ADAMTSL1: variants seen among roughly 807,000 people sequenced by gnomAD.
ADAMTSL1 encodes ADAMTS-like protein 1.
A neutral mutation model predicts 201.8 loss-of-function variants in ADAMTSL1; 126 were observed. The ratio of observed to expected loss-of-function variants is 0.62; its 90% CI spans 0.54 to 0.72. The LOEUF (loss-of-function observed/expected upper bound fraction) is 0.72, where lower values mean the gene tolerates loss of function less well. Among genes scored for constraint, ADAMTSL1 ranks in the 30% least tolerant of loss-of-function variants. The pLI, the probability that ADAMTSL1 is intolerant of heterozygous loss-of-function variation, is 0.00. For synonymous variants in ADAMTSL1, 1,121 were observed against 903.4 expected (o/e 1.24, Z -4.32); for missense variants, 2,679 against 2,277.8 (o/e 1.18, Z -3.59).
intron 2 of ADAMTSL1, among the ~76,000 whole-genome samples, chr9:18,171,481 T>C (rs1413824853): frequency 6.6e-6 from 1 of 152,040 alleles, no homozygotes; most frequent in East Asian, 1.9e-4. Flanking sequence ...ATAAACAAGG[T>C]AAAAGGACAA....
chr9:18,120,102 GCT>G (rs1449014900), intron 1 of ADAMTSL1, among the ~76,000 whole-genome samples: 2 of 152,146 alleles, frequency 1.3e-5, no homozygotes, highest in African/African-American at 2.4e-5. Flanking sequence ...TCTGGATCAG[GCT>G]CTCTCTAGGG....
intron 2 of ADAMTSL1, among the ~76,000 whole-genome samples, chr9:18,507,403 AG>A (rs1290148596): frequency 5.3e-5 from 8 of 152,230 alleles, no homozygotes; most frequent in Non-Finnish European, 1.2e-4. Context: ...GACAATTTAA[AG>A]ATCTACAGTG....
intron 2 of ADAMTSL1, among the ~76,000 whole-genome samples, chr9:18,529,645 C>G (rs1819312494): frequency 6.6e-6 from 1 of 152,138 alleles, no homozygotes; most frequent in Non-Finnish European, 1.5e-5. Context: ...GTTAGTGTTT[C>G]TATTATAATC....
At chr9:18,538,302 TC>T (rs1187447800) in intron 3 of ADAMTSL1, among the ~76,000 whole-genome samples, 1 of 152,098 alleles carries the variant, frequency 6.6e-6, no homozygotes, top group Non-Finnish European at 1.5e-5. Flanking sequence ...ACTCTTGTGA[TC>T]TCCAGCATTG....
In ADAMTSL1 at chr9:18,776,658, C is replaced by A. The variant is rs368220680; in HGVS notation, c.2552-123C>A. 8 of 1,160,120 alleles carry A rather than the reference C, an allele frequency of 6.9e-6. No individual in the cohort carries two copies. In the African/African-American group the frequency reaches 1.1e-4, roughly 16 times the overall value. The allele number at this position is 1,160,120 out of a possible 1,614,324, so 71.9% of individuals were successfully genotyped here. ...TTTCTCTCCCGTCCTCCGGCACCTT[C>A]GTCTCTCCTTCTCTTCTCCACTCTG... On this transcript the variant is annotated intron_variant, in intron 18 of 28. Transcript: ENST00000380548.
intron 1 of ADAMTSL1, among the ~76,000 whole-genome samples, chr9:18,071,981 G>C (rs976473966): frequency 6.6e-6 from 1 of 152,124 alleles, no homozygotes; most frequent in Non-Finnish European, 1.5e-5. Context: ...CAAGCTTAAT[G>C]GTTCCAAGCT....
intron 3 of ADAMTSL1, among the ~76,000 whole-genome samples, chr9:18,546,796 C>G (rs1054796648): frequency 1.3e-5 from 2 of 152,112 alleles, no homozygotes; most frequent in African/African-American, 4.8e-5. Flanking sequence ...TGAAGACAAG[C>G]AGCCAGATTT....
intron 2 of ADAMTSL1, among the ~76,000 whole-genome samples, chr9:18,395,200 A>C (rs546790624): frequency 6.6e-6 from 1 of 152,212 alleles, no homozygotes; most frequent in South Asian, 2.1e-4. Context: ...AAGCAACAGT[A>C]AGATCTGTAA....
chr9:18,685,236 T>C (rs1306726703), intron 13 of ADAMTSL1, among the ~76,000 whole-genome samples: 1 of 152,248 alleles, frequency 6.6e-6, no homozygotes, highest in Non-Finnish European at 1.5e-5. Context: ...TCATTAACTT[T>C]TCTTTTCCCT....
At chr9:18,816,919 C>T (rs1823892079) in intron 20 of ADAMTSL1, among the ~76,000 whole-genome samples, 190 bp from the exon 21 acceptor site, 2 of 152,080 alleles carry the variant, frequency 1.3e-5, no homozygotes, top group Non-Finnish European at 2.9e-5. Flanking sequence ...CTTTTACTGA[C>T]AACACTGCGG....
intron 1 of ADAMTSL1, among the ~76,000 whole-genome samples, chr9:18,014,786 G>A (rs749619840): frequency 5.9e-5 from 9 of 152,048 alleles, no homozygotes; most frequent in Non-Finnish European, 1.2e-4. Flanking sequence ...AGTGGTGTCA[G>A]CTGGTGTATC....
rs146641484 is a variant in ADAMTSL1, at chr9:18,560,519, C to A, written c.238-13511C>A. Among the ~76,000 whole-genome samples, 4 of 152,182 alleles carry A rather than the reference C, an allele frequency of 2.6e-5. No individual in the cohort carries two copies. In the East Asian group the frequency reaches 7.7e-4, roughly 29 times the overall value. Reference sequence around the variant, plus strand: ...GGCTTTGGTATCAGGATGATGCAGGCCTCATAAAATGAGTTAGGGAGGAGT... The same window carrying A: ...GGCTTTGGTATCAGGATGATGCAGGACTCATAAAATGAGTTAGGGAGGAGT... On this transcript the variant is annotated intron_variant, in intron 3 of 28. Transcript: ENST00000380548.
At chr9:17,954,990 A>G (rs543304269) in intron 1 of ADAMTSL1, among the ~76,000 whole-genome samples, 49 of 152,292 alleles carry the variant, frequency 3.2e-4, no homozygotes, top group African/African-American at 1.2e-3. Flanking sequence ...AGCTTGCAAG[A>G]TAGGAGTTAA....
chr9:17,975,194 A>C (rs1305279446), intron 1 of ADAMTSL1, among the ~76,000 whole-genome samples: 3 of 151,530 alleles, frequency 2.0e-5, no homozygotes, highest in Non-Finnish European at 4.4e-5. Context: ...GTTCTTTGGC[A>C]TTTTTTAATT....
At chr9:17,907,440 G>C (rs1825759516) in intron 1 of ADAMTSL1, among the ~76,000 whole-genome samples, 1 of 152,194 alleles carries the variant, frequency 6.6e-6, no homozygotes, top group Non-Finnish European at 1.5e-5. Context: ...GGGGCGCAGC[G>C]TTGTAATGTG....
intron 2 of ADAMTSL1, among the ~76,000 whole-genome samples, chr9:18,314,955 CCCGG>C (rs1300205976): frequency 1.7e-4 from 26 of 150,882 alleles, no homozygotes; most frequent in Non-Finnish European, 3.1e-4. Context: ...CGCTACCACG[CCCGG>C]CTAATTTTTT....
intron 3 of ADAMTSL1, among the ~76,000 whole-genome samples, chr9:18,542,845 CT>C (rs1389942817): frequency 1.3e-5 from 2 of 152,176 alleles, no homozygotes; most frequent in African/African-American, 4.8e-5. Context: ...AATTAGATCA[CT>C]TTGAAATTCC....
At chr9:17,943,257 A>T (rs1827316550) in intron 1 of ADAMTSL1, among the ~76,000 whole-genome samples, 1 of 152,098 alleles carries the variant, frequency 6.6e-6, no homozygotes, top group Non-Finnish European at 1.5e-5. Flanking sequence ...TGTACTTAAG[A>T]GTTTATAGTA....
chr9:18,458,076 C>A (rs1251949385), intron 2 of ADAMTSL1, among the ~76,000 whole-genome samples: 1 of 152,166 alleles, frequency 6.6e-6, no homozygotes, highest in Admixed American at 6.5e-5. Context: ...GAAATCTTTC[C>A]ATTCATACCC....
Sources: allele counts gnomAD v4.1 joint callset (sites outside exome capture counted in the v4.1 genomes callset), GRCh38; gene constraint gnomAD v4.1.1; transcripts MANE v1.5; gene names NCBI Gene and HGNC (gene_info 2026-07-23, HGNC 2026-07-21).